The following PLOD2 variants were observed in gnomAD, a reference collection of about 807,000 sequenced individuals.
PLOD2 encodes the protein lysine hydroxylase 2.
Under a neutral mutation model 101.0 loss-of-function variants are expected in PLOD2, and 65 were observed. That is an observed-to-expected ratio of 0.64 (90% CI 0.53 to 0.79). The LOEUF is 0.79. Ranked by LOEUF, PLOD2 falls within the 30% of genes least tolerant of loss-of-function variation. PLOD2 has a pLI of 0.00. For synonymous variants in PLOD2, 314 were observed against 302.9 expected (o/e 1.04, Z -0.38); for missense variants, 909 against 914.6 (o/e 0.99, Z 0.08).
At chr3:146,134,373 T>G (rs2031106868) in intron 1 of PLOD2, among the ~76,000 whole-genome samples, 1 of 152,178 alleles carries the variant, frequency 6.6e-6, no homozygotes, top group Non-Finnish European at 1.5e-5. Flanking sequence ...GTTATAAAAA[T>G]GTATATACTA....
chr3:146,072,435 T>C (rs921546265), intron 17 of PLOD2, 126 bp downstream of exon 17: 13 of 717,214 alleles, frequency 1.8e-5, no homozygotes, highest in African/African-American at 3.5e-5. Flanking sequence ...GAGCCTTGGC[T>C]AGCCAATTTA....
intron 11 of PLOD2, among the ~76,000 whole-genome samples, chr3:146,083,577 CTTT>C (rs869301001): frequency 2.6e-4 from 20 of 75,770 alleles, no homozygotes; most frequent in South Asian, 2.0e-3. Context: ...AAGTCTTTTT[CTTT>C]TTTTTTTTTT....
In PLOD2 at chr3:146,072,563, G is replaced by A. The variant is rs770629844; in HGVS notation, c.1846C>T (p.His616Tyr). ...HYGKWSGGKH[H>Y]DSRISGGYEN... ...CTTAGTGTGAAATTACAACTTACATGATGTTTTCCCCCAGACCATTTGCCG... is the reference window on the plus strand; with the variant it reads ...CTTAGTGTGAAATTACAACTTACATAATGTTTTCCCCCAGACCATTTGCCG... Residue 616 changes from histidine (H) to tyrosine (Y), a missense_variant and splice_region_variant, in exon 17 of 20, where the codon CAT becomes TAT. By Grantham distance (83) the His-to-Tyr change is moderately conservative. Coordinates refer to ENST00000282903, the MANE Select transcript of PLOD2 (RefSeq NM_182943.3). The A allele has an allele frequency of 1.3e-6, 2 of 1,582,578 alleles. No individual in the cohort carries two copies. Among genetic ancestry groups the A allele is most frequent in the Non-Finnish European group, 1.7e-6 (2 of 1,152,260 alleles).
chr3:146,114,682 C>A (rs563813816), intron 3 of PLOD2, among the ~76,000 whole-genome samples: 1 of 151,968 alleles, frequency 6.6e-6, no homozygotes, highest in South Asian at 2.1e-4. Context: ...AAATTTGGTA[C>A]GAAGAGTGGG....
intron 10 of PLOD2, chr3:146,085,876 C>G (rs1936748808): frequency 6.6e-6 from 1 of 152,502 alleles, no homozygotes. Context: ...CACTGTCGGT[C>G]CCAGTCAGCA....
chr3:146,111,952 T>C (rs1001031201), intron 3 of PLOD2, among the ~76,000 whole-genome samples: 1 of 152,114 alleles, frequency 6.6e-6, no homozygotes, highest in Non-Finnish European at 1.5e-5. Context: ...GCGACTACCA[T>C]GCGAGTGATA....
At chr3:146,109,819 G>T (rs1937596327) in intron 4 of PLOD2, among the ~76,000 whole-genome samples, 1 of 152,060 alleles carries the variant, frequency 6.6e-6, no homozygotes, top group Non-Finnish European at 1.5e-5. Context: ...TCACTACTGG[G>T]TTCAAGACAA....
chr3:146,096,880 T>TGGG (rs1319532674), intron 7 of PLOD2, among the ~76,000 whole-genome samples: 1 of 63,596 alleles, frequency 1.6e-5, no homozygotes, highest in African/African-American at 7.0e-5. Context: ...GGGAGGGAGG[T>TGGG]GGGGGGGGGG....
At position 146,091,867 on chromosome 3, in the gene PLOD2, T is replaced by C. The variant is rs912490534; in HGVS notation, c.812A>G (p.Asn271Ser). ...LLNYFGNYVP[N>S]SWTQDNGCTL... is the part of the protein sequence containing the mutation. ...GCAGCCATTATCCTGTGTCCATGAA[T>C]TGGGTACATAGTTTCCAAAATAATT... Residue 271 changes from asparagine to serine, a missense_variant, in exon 8 of 20, where the codon AAT becomes AGT. Asn to Ser is a conservative substitution (Grantham distance 46). Transcript: ENST00000282903. 1.9e-6 allele frequency: 3 copies of C among 1,605,322 alleles called. No individual in the cohort carries two copies. In the Admixed American group the frequency reaches 5.0e-5, roughly 27 times the overall value.
At chr3:146,094,360 T>C (rs1937075426) in intron 7 of PLOD2, among the ~76,000 whole-genome samples, 1 of 152,222 alleles carries the variant, frequency 6.6e-6, no homozygotes, top group Non-Finnish European at 1.5e-5. Flanking sequence ...GTTATGTTCA[T>C]GTGTAGATCA....
chr3:146,070,765 A>G lies in PLOD2; in HGVS notation c.2229T>C (p.Pro743=), dbSNP rs78976445. 1,311 of 1,609,528 alleles carry G rather than the reference A, an allele frequency of 8.1e-4. 9 individuals carry two copies. The African/African-American group carries it at 0.014, about 18-fold the overall frequency. ...CAATGTATCTTGTTCCATTTTTAAC[A>G]GGAAGTCCTTCATGCAAATGTGTGA... ...GRLTHLHEGL[P]VKNGTRYIAV... is the part of the protein sequence containing the mutation. The change falls in exon 20 of 20, where the codon CCT becomes CCC. Residue 743 remains proline, a synonymous_variant. Coordinates refer to ENST00000282903, the MANE Select transcript of PLOD2 (RefSeq NM_182943.3).
chr3:146,077,897 T>C lies in PLOD2; in HGVS notation c.1528A>G (p.Thr510Ala). 5.6e-6 allele frequency: 9 copies of C among 1,601,096 alleles called. No homozygotes were observed. Among genetic ancestry groups the C allele is most frequent in the Non-Finnish European group, 7.7e-6 (9 of 1,169,114 alleles). Residue 510 changes from threonine (T) to alanine (A), a missense_variant, in exon 14 of 20, where the codon ACT becomes GCT. Thr to Ala is a moderately conservative substitution (Grantham distance 58, BLOSUM62 0). Coordinates refer to ENST00000282903, the MANE Select transcript of PLOD2 (RefSeq NM_182943.3). ...MTLQREKDSP[T>A]PETFQMLSPP... ...CTGAGCATTTGGAATGTTTCCGGAGTAGGGGAGTCTTTTTCCCTTTGTAAA... is the reference window on the plus strand; with the variant it reads ...CTGAGCATTTGGAATGTTTCCGGAGCAGGGGAGTCTTTTTCCCTTTGTAAA...
Position 146,124,224 on chromosome 3 carries a change from AT to A in PLOD2, c.114del (p.Lys38AsnfsTer3). The A allele has an allele frequency of 6.4e-7, 1 of 1,551,522 alleles. No individual in the cohort carries two copies. Among genetic ancestry groups the A allele is most frequent in the Non-Finnish European group, 8.9e-7 (1 of 1,123,846 alleles). On this transcript the variant is annotated frameshift_variant, in exon 2 of 20. Transcript: ENST00000282903. LOFTEE classifies it high-confidence loss of function. Reference sequence around the variant, plus strand: ...TTTGTTGCTACAGTTATGACTAATAATTTATCTGCAAAGACAAAAGGAAACA... The same window carrying A: ...TTTGTTGCTACAGTTATGACTAATAATTATCTGCAAAGACAAAAGGAAACA... ...SEKPSSIPTD[K>X]LLVITVATKE...
intron 15 of PLOD2, among the ~76,000 whole-genome samples, chr3:146,074,165 T>G (rs1936247519): frequency 2.0e-5 from 3 of 151,606 alleles, no homozygotes; most frequent in Non-Finnish European, 4.4e-5. Context: ...AGAATTATTT[T>G]ATTGGGACAA....
At chr3:146,113,454 G>A (rs1200757082) in intron 3 of PLOD2, among the ~76,000 whole-genome samples, 1 of 152,220 alleles carries the variant, frequency 6.6e-6, no homozygotes, top group East Asian at 1.9e-4. Context: ...ACCCCAAATG[G>A]AGGGACCGGC....
At chr3:146,096,833 A>G in intron 7 of PLOD2, among the ~76,000 whole-genome samples, 1 of 125,788 alleles carries the variant, frequency 7.9e-6, no homozygotes, top group African/African-American at 3.1e-5. Flanking sequence ...CCTACTGGGA[A>G]GTGAGGAGCC....
chr3:146,107,515 T>TA (rs1342998663), intron 4 of PLOD2, among the ~76,000 whole-genome samples: 2 of 149,636 alleles, frequency 1.3e-5, no homozygotes, highest in African/African-American at 2.5e-5. Flanking sequence ...TTAAAAGAAT[T>TA]AAAAAAATAG....
chr3:146,089,438 G>A (rs992678747), intron 8 of PLOD2, among the ~76,000 whole-genome samples: 6 of 151,518 alleles, frequency 4.0e-5, no homozygotes, highest in Admixed American at 6.6e-5. Flanking sequence ...AGTAGATGGG[G>A]AAGACAGGAA....
At chr3:146,084,744 T>TA (rs1175648371) in intron 11 of PLOD2, among the ~76,000 whole-genome samples, 8 of 152,120 alleles carry the variant, frequency 5.3e-5, no homozygotes, top group African/African-American at 1.7e-4. Flanking sequence ...AAGCTACACA[T>TA]ATGACTGTGG....
Sources: allele counts gnomAD v4.1 joint callset (sites outside exome capture counted in the v4.1 genomes callset), GRCh38; gene constraint gnomAD v4.1.1; transcripts MANE v1.5; gene names NCBI Gene and HGNC (gene_info 2026-07-23, HGNC 2026-07-21).